The following USP13 variants were observed in gnomAD, a reference collection of about 807,000 sequenced individuals.
USP13 encodes ubiquitin specific peptidase 13.
Under a neutral mutation model 107.8 loss-of-function variants are expected in USP13, and 68 were observed. The observed-to-expected ratio is 0.63, with a 90% CI of 0.52 to 0.77. The LOEUF (loss-of-function observed/expected upper bound fraction) is 0.77, where lower values mean the gene tolerates loss of function less well. Ranked by LOEUF, USP13 falls within the 30% of genes least tolerant of loss-of-function variation. The pLI, the probability that USP13 is intolerant of heterozygous loss-of-function variation, is 0.00. For synonymous variants in USP13, 377 were observed against 389.5 expected (o/e 0.97, Z 0.38); for missense variants, 945 against 1,093.3 (o/e 0.86, Z 1.91).
At chr3:179,759,547 C>T (rs947533469) in intron 16 of USP13, among the ~76,000 whole-genome samples, 6 of 152,236 alleles carry the variant, frequency 3.9e-5, no homozygotes, top group African/African-American at 9.6e-5. Flanking sequence ...TCAATGGTTA[C>T]ATCTCTTAGA....
rs2108504059 is a variant in USP13, at chr3:179,730,186, T to C, written c.1089-3T>C. 1 of 1,611,212 alleles carries C rather than the reference T, an allele frequency of 6.2e-7. No individual in the cohort carries two copies. Among genetic ancestry groups the C allele is most frequent in the Admixed American group, 1.7e-5 (1 of 59,618 alleles). ...GTTTTAACTATTGCCTCTCATTTTC[T>C]AGGTATGTAGGAAACCTTCCCAGAA... On this transcript the variant is annotated splice_region_variant and splice_polypyrimidine_tract_variant and intron_variant, in intron 8 of 20. Transcript: ENST00000263966.
At chr3:179,730,960 G>A (rs1713782356) in intron 10 of USP13, among the ~76,000 whole-genome samples, 1 of 152,234 alleles carries the variant, frequency 6.6e-6, no homozygotes, top group African/African-American at 2.4e-5. Flanking sequence ...TTTAGAAACA[G>A]TATTCTTTAT....
intron 3 of USP13, among the ~76,000 whole-genome samples, chr3:179,699,799 A>G (rs1712454885): frequency 6.9e-6 from 1 of 145,550 alleles, no homozygotes; most frequent in Non-Finnish European, 1.5e-5. Context: ...TTTTACTACA[A>G]ACTGCCCTAC....
At chr3:179,734,122 A>G (rs1713903555) in intron 10 of USP13, among the ~76,000 whole-genome samples, 1 of 152,216 alleles carries the variant, frequency 6.6e-6, no homozygotes, top group African/African-American at 2.4e-5. Flanking sequence ...TATACTTCCC[A>G]GTATTAAATT....
At chr3:179,708,608 G>A (rs917515820) in intron 5 of USP13, among the ~76,000 whole-genome samples, 165 bp from the exon 6 acceptor site, 4 of 152,110 alleles carry the variant, frequency 2.6e-5, no homozygotes, top group African/African-American at 4.8e-5. Context: ...GAACCACCAC[G>A]CCCGGCCAAC....
At chr3:179,755,454 CTGCT>C (rs1434719047) in intron 15 of USP13, among the ~76,000 whole-genome samples, 1 of 152,268 alleles carries the variant, frequency 6.6e-6, no homozygotes, top group Non-Finnish European at 1.5e-5. Context: ...GCCACCATGC[CTGCT>C]TAATTTTTTT....
intron 19 of USP13, among the ~76,000 whole-genome samples, chr3:179,776,353 T>G (rs1159076819): frequency 6.6e-6 from 1 of 152,116 alleles, no homozygotes; most frequent in East Asian, 1.9e-4. Context: ...TGGCCTTACC[T>G]CTATATGACA....
chr3:179,709,040 G>A, intron 6 of USP13, 83 bp downstream of exon 6: 1 of 1,494,092 alleles, frequency 6.7e-7, no homozygotes, highest in Non-Finnish European at 9.0e-7. Flanking sequence ...GTGGTTGGAA[G>A]GTGCAGGCTC....
At chr3:179,689,370 G>A (rs922836635) in intron 2 of USP13, among the ~76,000 whole-genome samples, 4 of 152,046 alleles carry the variant, frequency 2.6e-5, no homozygotes, top group South Asian at 2.1e-4. Context: ...GAAAATACAC[G>A]ATGCTGGGTG....
intron 20 of USP13, 136 bp from the exon 21 acceptor site, chr3:179,783,912 T>C: frequency 1.5e-6 from 1 of 664,756 alleles, no homozygotes. Flanking sequence ...TCTGTCCCTT[T>C]TTATACAACG....
intron 19 of USP13, among the ~76,000 whole-genome samples, chr3:179,769,277 CAT>C (rs1360437648): frequency 6.6e-6 from 1 of 152,116 alleles, no homozygotes; most frequent in Non-Finnish European, 1.5e-5. Context: ...CTATTATAAA[CAT>C]GTACCATAGT....
chr3:179,744,966 G>C lies in USP13; in HGVS notation c.1535-77G>C, dbSNP rs1474368692. ...GCCCAGCGCAGAAGCCTTCAGGGAAGACTGTCCAAAGAGGGTGCTTTTCAT... is the reference window on the plus strand; with the variant it reads ...GCCCAGCGCAGAAGCCTTCAGGGAACACTGTCCAAAGAGGGTGCTTTTCAT... On this transcript the variant is annotated intron_variant, in intron 12 of 20. Transcript: ENST00000263966. 5 of 1,566,864 alleles carry C rather than the reference G, an allele frequency of 3.2e-6. No individual in the cohort carries two copies. The Admixed American group carries it at 8.7e-5, about 27-fold the overall frequency.
At chr3:179,692,926 A>G (rs1054710328) in intron 3 of USP13, among the ~76,000 whole-genome samples, 3 of 152,144 alleles carry the variant, frequency 2.0e-5, no homozygotes, top group Non-Finnish European at 4.4e-5. Flanking sequence ...ACTACCTACC[A>G]TTTTGTTTCA....
At chr3:179,735,745 G>A (rs1713974024) in intron 10 of USP13, among the ~76,000 whole-genome samples, 2 of 152,192 alleles carry the variant, frequency 1.3e-5, no homozygotes, top group Non-Finnish European at 2.9e-5. Flanking sequence ...AAAGTTTAAA[G>A]TGTCCAGCCA....
intron 4 of USP13, among the ~76,000 whole-genome samples, chr3:179,702,645 G>T (rs1182818510): frequency 1.3e-5 from 2 of 152,168 alleles, no homozygotes; most frequent in South Asian, 2.1e-4. Context: ...ACAGAAATCA[G>T]AATTTTGTGT....
At chr3:179,658,418 CT>C (rs1186705553) in intron 1 of USP13, among the ~76,000 whole-genome samples, 1 of 150,778 alleles carries the variant, frequency 6.6e-6, no homozygotes, top group Non-Finnish European at 1.5e-5. Flanking sequence ...TCATAGTTGG[CT>C]CTCTTGTGCT....
intron 17 of USP13, 114 bp downstream of exon 17, chr3:179,761,369 T>G: frequency 7.4e-7 from 1 of 1,346,420 alleles, no homozygotes; most frequent in South Asian, 1.5e-5. Context: ...ACTTTATAGT[T>G]CCTAATCTCC....
chr3:179,729,564 A>G (rs976788486), intron 8 of USP13, among the ~76,000 whole-genome samples: 1 of 152,066 alleles, frequency 6.6e-6, no homozygotes, highest in South Asian at 2.1e-4. Context: ...CTCCACCTCC[A>G]GGGTTCAAGT....
At chr3:179,730,929 T>C (rs1024731344) in intron 10 of USP13, among the ~76,000 whole-genome samples, 2 of 152,278 alleles carry the variant, frequency 1.3e-5, no homozygotes, top group African/African-American at 4.8e-5. Context: ...GGATTATACA[T>C]GTGTGCCATC....
Sources: gnomAD v4.1 joint callset for allele counts (sites outside exome capture counted in the v4.1 genomes callset) on GRCh38, gnomAD v4.1.1 for gene constraint, MANE v1.5 for transcripts, NCBI Gene and HGNC (gene_info 2026-07-23, HGNC 2026-07-21) for gene names.